GLI2: variants seen among roughly 807,000 people sequenced by gnomAD.
GLI2 encodes the protein GLI family zinc finger 2.
A neutral mutation model predicts 78.9 loss-of-function variants in GLI2; 22 were observed. The ratio of observed to expected loss-of-function variants is 0.28; its 90% CI spans 0.20 to 0.40. The LOEUF is 0.40. Ranked by LOEUF, GLI2 falls within the 10% of genes least tolerant of loss-of-function variation. The pLI is 1.00. For synonymous variants in GLI2, 974 were observed against 963.7 expected (o/e 1.01, Z -0.20); for missense variants, 2,097 against 2,213.2 (o/e 0.95, Z 1.05).
At position 120,975,043 on chromosome 2, in the gene GLI2, C is replaced by G; in HGVS notation, c.1251C>G (p.Ile417Met). ...DDCKQEAEVVIYETNCHWEDC... is the reference protein window; with the variant it reads ...DDCKQEAEVVMYETNCHWEDC... ...GTAAGCAGGAGGCTGAGGTGGTCAT[C>G]TATGAGACCAACTGCCACTGGGAAG... Residue 417 changes from isoleucine (I) to methionine (M), a missense_variant, in exon 9 of 14, where the codon ATC becomes ATG. Transcript: ENST00000361492. 2 of 1,614,040 alleles carry G rather than the reference C, an allele frequency of 1.2e-6. No homozygotes were observed. Among genetic ancestry groups the G allele is most frequent in the Non-Finnish European group, 1.7e-6 (2 of 1,179,970 alleles).
At position 120,745,538 on chromosome 2, in the gene GLI2, G is replaced by A. The variant is rs373161235; in HGVS notation, c.-31+9253G>A. Among the ~76,000 whole-genome samples the A allele has an allele frequency of 4.6e-5, 7 of 152,182 alleles. No homozygotes were observed. The East Asian group carries it at 1.3e-3, about 29-fold the overall frequency. On this transcript the variant is annotated intron_variant, in intron 1 of 13. Coordinates refer to ENST00000361492, the MANE Select transcript of GLI2 (RefSeq NM_001374353.1). ...TGAGCAGAGCCCTCACTCAAGATTAGGGGCCTAGGAACAGACTTTTCCTTT... is the reference window on the plus strand; with the variant it reads ...TGAGCAGAGCCCTCACTCAAGATTAAGGGCCTAGGAACAGACTTTTCCTTT...
In GLI2 at chr2:120,984,684, A is replaced by T; in HGVS notation, c.1846A>T (p.Thr616Ser). The change falls in exon 12 of 14, where the codon ACC (threonine) becomes TCC (serine). Residue 616 changes from threonine (T) to serine (S), a missense_variant. Thr to Ser is a moderately conservative substitution (Grantham distance 58). Around this residue, in one of 5 missense-constraint regions of GLI2, gnomAD observed 68 missense variants for 104.4 expected, o/e 0.65. Transcript: ENST00000361492. Reference protein sequence around the residue: ...GGPESTEASSTSQAVEDCLHV... With the variant: ...GGPESTEASSSSQAVEDCLHV... ...CCCAGAGAGCACCGAGGCCAGCAGC[A>T]CCAGCCAGGCCGTGGAGGACTGCCT... 6.2e-7 allele frequency: 1 copy of T among 1,613,558 alleles called. No homozygotes were observed.
At chr2:120,929,116 G>A (rs768290322) in intron 3 of GLI2, among the ~76,000 whole-genome samples, 1 of 152,156 alleles carries the variant, frequency 6.6e-6, no homozygotes, top group Non-Finnish European at 1.5e-5. Flanking sequence ...TCTGGGTTTG[G>A]GTTTGCCTGA....
At chr2:120,891,748 C>A (rs769473339) in intron 2 of GLI2, among the ~76,000 whole-genome samples, 2 of 152,152 alleles carry the variant, frequency 1.3e-5, no homozygotes, top group Non-Finnish European at 2.9e-5. Context: ...CAGGGGAAGG[C>A]GCTGTTCCCT....
At position 120,735,883 on chromosome 2, in the gene GLI2, A is replaced by G. The variant is rs190719923; in HGVS notation, c.-433A>G. ...GTCCGGCGGCGCTGATGGATTGCAG[A>G]AGTGCCGGCGCTTGCCAGCCGAGGC... On this transcript the variant is annotated 5_prime_UTR_variant, in exon 1 of 14. Transcript: ENST00000361492. 0.014 allele frequency among the ~76,000 whole-genome samples: 2,194 copies of G among 151,820 alleles called. 47 individuals are homozygous for G. Among genetic ancestry groups the G allele is most frequent in the African/African-American group, 0.05 (2,070 of 41,410 alleles).
intron 2 of GLI2, among the ~76,000 whole-genome samples, chr2:120,868,614 A>G (rs1208983135): frequency 6.6e-6 from 1 of 152,196 alleles, no homozygotes; most frequent in African/African-American, 2.4e-5. Flanking sequence ...CCATTCAGAA[A>G]CAAAGTTAGG....
chr2:120,834,758 C>A (rs1686525641), intron 2 of GLI2, among the ~76,000 whole-genome samples: 1 of 152,184 alleles, frequency 6.6e-6, no homozygotes, highest in African/African-American at 2.4e-5. Context: ...TGTCCCCCTG[C>A]AGTGATGGCT....
At chr2:120,964,876 A>T (rs1681764183) in intron 5 of GLI2, among the ~76,000 whole-genome samples, 1 of 152,260 alleles carries the variant, frequency 6.6e-6, no homozygotes, top group Admixed American at 6.5e-5. Context: ...AGTCATTAGA[A>T]AGTCCAGACA....
chr2:120,812,345 G>A (rs1685288535), intron 2 of GLI2, among the ~76,000 whole-genome samples: 1 of 152,208 alleles, frequency 6.6e-6, no homozygotes, highest in Non-Finnish European at 1.5e-5. Context: ...CCCTTGTGCA[G>A]GCAGATGCCC....
intron 2 of GLI2, among the ~76,000 whole-genome samples, chr2:120,848,858 G>T (rs538675137): frequency 6.6e-6 from 1 of 152,280 alleles, no homozygotes; most frequent in East Asian, 1.9e-4. Context: ...CTGGAGAGCG[G>T]AGCGGCACTC....
chr2:120,990,402 G>C lies in GLI2; in HGVS notation c.4437G>C (p.Val1479=), dbSNP rs1345267497. 1 of 1,614,128 alleles carries C rather than the reference G, an allele frequency of 6.2e-7. No homozygotes were observed. Among genetic ancestry groups the C allele is most frequent in the Non-Finnish European group, 8.5e-7 (1 of 1,180,024 alleles). Residue 1479 remains valine (V), a synonymous_variant, in exon 14 of 14, where the codon GTG becomes GTC. Transcript: ENST00000361492. ...TGCCCTCACCAGGGGTCAACCAGGT[G>C]TCCAGCACTGTGGACTCCCAGCTCC... The part of the protein sequence containing the change: ...QPLPSPGVNQ[V]SSTVDSQLLE...
chr2:120,899,817 T>C lies in GLI2; in HGVS notation c.149-27544T>C, dbSNP rs753673043. 7.9e-5 allele frequency among the ~76,000 whole-genome samples: 12 copies of C among 152,312 alleles called. No homozygotes were observed. The South Asian group carries it at 2.5e-3, about 32-fold the overall frequency. On this transcript the variant is annotated intron_variant, in intron 2 of 13. Transcript: ENST00000361492. The stretch of plus-strand genomic sequence containing the variant: ...ACAGCGAGTGTAAAGGCAGGCTGTT[T>C]TTCTAACTGGTGTCCAAGCCAGGTG...
At chr2:120,977,635 C>T (rs1163899716) in intron 9 of GLI2, among the ~76,000 whole-genome samples, 3 of 152,212 alleles carry the variant, frequency 2.0e-5, no homozygotes, top group African/African-American at 7.2e-5. Flanking sequence ...GTGTCCTGGC[C>T]TCGCCACCAG....
chr2:120,775,337 AT>A (rs1158997363), intron 1 of GLI2, among the ~76,000 whole-genome samples: 2 of 152,232 alleles, frequency 1.3e-5, no homozygotes, highest in African/African-American at 4.8e-5. Context: ...ACATTTAATA[AT>A]TATGCTTCGT....
At chr2:120,785,398 G>T (rs1009385286) in intron 1 of GLI2, among the ~76,000 whole-genome samples, 1 of 152,210 alleles carries the variant, frequency 6.6e-6, no homozygotes, top group South Asian at 2.1e-4. Context: ...GTTGGTTGCT[G>T]GCAGACTTGG....
chr2:120,766,010 C>G (rs1291830374), intron 1 of GLI2, among the ~76,000 whole-genome samples: 1 of 152,186 alleles, frequency 6.6e-6, no homozygotes, highest in Non-Finnish European at 1.5e-5. Context: ...ACAAAAGTCC[C>G]TCTGTGGGCA....
rs115426169 is a variant in GLI2, at chr2:120,869,274, G to C, written c.149-58087G>C. 6.7e-3 allele frequency among the ~76,000 whole-genome samples: 1,014 copies of C among 152,300 alleles called. 10 individuals carry two copies. Among genetic ancestry groups the C allele is most frequent in the African/African-American group, 0.022 (913 of 41,558 alleles). On this transcript the variant is annotated intron_variant, in intron 2 of 13. Transcript: ENST00000361492. ...GCTGTGGTCAGGGGGCTGGGCCCTG[G>C]GGGCAACAGTGCCTTTGCATTTGAA...
rs569132757 is a variant in GLI2, at chr2:120,923,725, CACG to C, written c.149-3633_149-3631del. On this transcript the variant is annotated intron_variant, in intron 2 of 13. Transcript: ENST00000361492. ...ACACACGTACTACAACAGAGACACACACGACACACTACACACATACACGCACTG... is the reference window on the plus strand; with the variant it reads ...ACACACGTACTACAACAGAGACACACACACACTACACACATACACGCACTG... Among the ~76,000 whole-genome samples the C allele has an allele frequency of 1.4e-3, 212 of 152,266 alleles. 1 individual carries two copies. The highest frequency in any genetic ancestry group is 4.8e-3 in the African/African-American group (201 of 41,534).
At chr2:120,758,741 C>T (rs937671107) in intron 1 of GLI2, among the ~76,000 whole-genome samples, 1 of 152,204 alleles carries the variant, frequency 6.6e-6, no homozygotes, top group African/African-American at 2.4e-5. Context: ...GGGTGAGGGC[C>T]GTGGGTGGGC....
Sources: allele counts gnomAD v4.1 joint callset (sites outside exome capture counted in the v4.1 genomes callset), GRCh38; gene constraint gnomAD v4.1.1; regional missense constraint gnomAD v4.1.1; transcripts MANE v1.5; gene names NCBI Gene and HGNC (gene_info 2026-07-23, HGNC 2026-07-21).